Variants in BCAR3 observed in about 807,000 individuals in gnomAD.
BCAR3 encodes BCAR3 adaptor protein, NSP family member, also known as breast cancer anti-estrogen resistance protein 3.
Under a neutral mutation model 80.1 loss-of-function variants are expected in BCAR3, and 37 were observed. The ratio of observed to expected loss-of-function variants is 0.46; its 90% confidence interval spans 0.36 to 0.61. The LOEUF is 0.61. Among genes scored for constraint, BCAR3 ranks in the 20% least tolerant of loss-of-function variants. The pLI is 0.00. For synonymous variants in BCAR3, 389 were observed against 418.9 expected (o/e 0.93, Z 0.87); for missense variants, 978 against 1,068.2 (o/e 0.92, Z 1.18).
chr1:93,767,133 A>G (rs1652182615), intron 2 of BCAR3, among the ~76,000 whole-genome samples: 1 of 152,222 alleles, frequency 6.6e-6, no homozygotes, highest in Admixed American at 6.5e-5. Flanking sequence ...ATCCATCTTT[A>G]ACACAAGAAA....
intron 2 of BCAR3, among the ~76,000 whole-genome samples, chr1:93,809,473 A>G (rs762329218): frequency 1.6e-4 from 25 of 152,072 alleles, no homozygotes; most frequent in Admixed American, 5.2e-4. Flanking sequence ...TTGATCTTAA[A>G]TCATTAAAGA....
intron 3 of BCAR3, 63 bp downstream of exon 3, chr1:93,642,241 G>C (rs1300085541): frequency 6.5e-7 from 1 of 1,539,092 alleles, no homozygotes; most frequent in Non-Finnish European, 9.0e-7. Flanking sequence ...TAGCAACTCT[G>C]TGTTCCAAAT....
At chr1:93,768,485 T>C in intron 2 of BCAR3, among the ~76,000 whole-genome samples, 1 of 152,138 alleles carries the variant, frequency 6.6e-6, no homozygotes, top group East Asian at 1.9e-4. Context: ...GAAAAGTGTC[T>C]GTGGGAGGAT....
intron 2 of BCAR3, among the ~76,000 whole-genome samples, chr1:93,786,476 C>T (rs1325929057): frequency 6.6e-6 from 1 of 152,182 alleles, no homozygotes; most frequent in Non-Finnish European, 1.5e-5. Context: ...AGAGCAGAGA[C>T]AAAGCCATTC....
chr1:93,638,441 C>T (rs1204491471), intron 3 of BCAR3, among the ~76,000 whole-genome samples: 5 of 152,148 alleles, frequency 3.3e-5, no homozygotes, highest in Admixed American at 3.3e-4. Flanking sequence ...AAACTGGACA[C>T]AGTGTAATTG....
intron 2 of BCAR3, among the ~76,000 whole-genome samples, chr1:93,769,982 C>T (rs527760675): frequency 3.9e-5 from 6 of 152,256 alleles, no homozygotes; most frequent in Non-Finnish European, 7.3e-5. Flanking sequence ...ACAAAAGCAG[C>T]GCATCCCCTC....
chr1:93,616,969 C>G (rs1675147086), intron 3 of BCAR3, among the ~76,000 whole-genome samples: 1 of 152,232 alleles, frequency 6.6e-6, no homozygotes, highest in African/African-American at 2.4e-5. Context: ...AAGGAAACCT[C>G]TATTACCTCA....
chr1:93,813,419 TACC>T (rs990342106), intron 2 of BCAR3, among the ~76,000 whole-genome samples: 2 of 152,188 alleles, frequency 1.3e-5, no homozygotes, highest in East Asian at 1.9e-4. Flanking sequence ...CGGGTGTGGC[TACC>T]ACAAGTCCAA....
chr1:93,798,595 A>G (rs2100784989), intron 2 of BCAR3, among the ~76,000 whole-genome samples: 1 of 152,306 alleles, frequency 6.6e-6, no homozygotes, highest in Middle Eastern at 3.4e-3. Context: ...CAGTATAAAT[A>G]TTAGTTATTT....
chr1:93,596,142 C>G (rs1046718567), intron 3 of BCAR3, among the ~76,000 whole-genome samples: 4 of 152,160 alleles, frequency 2.6e-5, no homozygotes, highest in African/African-American at 9.7e-5. Flanking sequence ...TACGAATGCC[C>G]TAAGAATCCT....
In BCAR3 at chr1:93,674,669, C is replaced by A; in HGVS notation, c.262G>T (p.Asp88Tyr). 1 of 1,614,030 alleles carries A rather than the reference C, an allele frequency of 6.2e-7. No individual in the cohort carries two copies. The highest frequency in any genetic ancestry group is 2.2e-5 in the East Asian group (1 of 44,872). ...TGCCATGGGCTCTCCTGGATGCCAT[C>A]CTGGGTCACAGGCGAGTTCTGCCGT... ...SPRQNSPVTQ[D>Y]GIQESPWQDR... Residue 88 changes from aspartate (D) to tyrosine (Y), a missense_variant, in exon 2 of 12, where the codon GAT becomes TAT. Physicochemically the swap from Asp to Tyr is radical, Grantham distance 160. Coordinates refer to ENST00000260502, the MANE Select transcript of BCAR3 (RefSeq NM_003567.4).
intron 8 of BCAR3, among the ~76,000 whole-genome samples, chr1:93,575,495 C>G (rs536092343): frequency 1.3e-5 from 2 of 152,190 alleles, no homozygotes; most frequent in Admixed American, 1.3e-4. Flanking sequence ...TCGGAGGCCC[C>G]GGACCAGTGC....
intron 2 of BCAR3, among the ~76,000 whole-genome samples, chr1:93,654,940 T>A (rs1441627399): frequency 6.6e-6 from 1 of 152,226 alleles, no homozygotes; most frequent in Non-Finnish European, 1.5e-5. Flanking sequence ...TTGCTCAGGG[T>A]CTATCTTTCC....
intron 2 of BCAR3, among the ~76,000 whole-genome samples, chr1:93,732,066 T>A (rs1261734581): frequency 6.6e-6 from 1 of 152,124 alleles, no homozygotes; most frequent in Non-Finnish European, 1.5e-5. Context: ...GAGACTCTAC[T>A]CTCCAGGGAA....
At chr1:93,597,518 G>A (rs1205362728) in intron 3 of BCAR3, among the ~76,000 whole-genome samples, 1 of 152,196 alleles carries the variant, frequency 6.6e-6, no homozygotes, top group Admixed American at 6.5e-5. Flanking sequence ...CCTCGGGCAG[G>A]TGACATTAAC....
intron 2 of BCAR3, among the ~76,000 whole-genome samples, chr1:93,653,988 T>C (rs969944625): frequency 6.6e-6 from 1 of 152,126 alleles, no homozygotes; most frequent in Non-Finnish European, 1.5e-5. Context: ...ATTTGCTCTC[T>C]ACCCAGAGCC....
intron 2 of BCAR3, among the ~76,000 whole-genome samples, chr1:93,746,301 G>C (rs1651354757): frequency 6.6e-6 from 1 of 152,194 alleles, no homozygotes; most frequent in African/African-American, 2.4e-5. Context: ...ACTGGGCTAA[G>C]ATGCTACAAG....
At chr1:93,643,775 T>G (rs1676072176) in intron 2 of BCAR3, among the ~76,000 whole-genome samples, 1 of 152,074 alleles carries the variant, frequency 6.6e-6, no homozygotes, top group Admixed American at 6.6e-5. Context: ...CTGAGTAGAT[T>G]TCAACTGATC....
intron 2 of BCAR3, among the ~76,000 whole-genome samples, chr1:93,772,768 G>A (rs1431654248): frequency 6.6e-6 from 1 of 152,072 alleles, no homozygotes; most frequent in African/African-American, 2.4e-5. Flanking sequence ...ACCACGCCCA[G>A]CTAATTTTTG....
Sources: gnomAD v4.1 joint callset for allele counts (sites outside exome capture counted in the v4.1 genomes callset) on GRCh38, gnomAD v4.1.1 for gene constraint, MANE v1.5 for transcripts, NCBI Gene and HGNC (gene_info 2026-07-23, HGNC 2026-07-21) for gene names.